Variants in CCL23 observed in about 807,000 individuals in gnomAD.
The protein encoded by CCL23 is C-C motif chemokine ligand 23, also known as C-C motif chemokine 23.
In CCL23, 10 loss-of-function variants were observed where a neutral mutation model predicts 11.8. The ratio of observed to expected loss-of-function variants is 0.84; its 90% CI spans 0.52 to 1.43. The LOEUF (loss-of-function observed/expected upper bound fraction) is 1.43, where lower values mean the gene tolerates loss of function less well. CCL23 is among the 40% of genes most tolerant of loss of function. The pLI is 0.00. For synonymous variants in CCL23, 60 were observed against 61.0 expected (o/e 0.98, Z 0.07); for missense variants, 181 against 170.9 (o/e 1.06, Z -0.33).
chr17:36,014,453 C>G, intron 1 of CCL23, 60 bp from the exon 2 acceptor site: 1 of 1,310,356 alleles, frequency 7.6e-7, no homozygotes, highest in Non-Finnish European at 1.1e-6. Context: ...GTTTCAGCAT[C>G]TCCACCCACC....
chr17:36,013,180 C>T lies in CCL23; in HGVS notation c.*17G>A, dbSNP rs1225069283. The stretch of plus-strand genomic sequence containing the variant: ...AAGTTGGTGGCTGGCAACTTGTGTC[C>T]CTTCACCTTGACAAGTTCAATTCTT... On this transcript the variant is annotated 3_prime_UTR_variant, in exon 4 of 4. Transcript: ENST00000615050. 1.3e-6 allele frequency: 2 copies of T among 1,505,476 alleles called. No homozygotes were observed. The highest frequency in any genetic ancestry group is 2.7e-5 in the African/African-American group (2 of 73,678). 93.3% of individuals were successfully genotyped at this position (1,505,476 alleles called of 1,614,324 possible).
At chr17:36,016,427 G>C (rs1412238897) in intron 1 of CCL23, among the ~76,000 whole-genome samples, 1 of 152,098 alleles carries the variant, frequency 6.6e-6, no homozygotes, top group East Asian at 1.9e-4. Flanking sequence ...TGTGGTGTTT[G>C]GCTTTCTGTT....
intron 3 of CCL23, 107 bp from the exon 4 acceptor site, chr17:36,013,415 T>A (rs554015279): frequency 6.0e-6 from 4 of 667,258 alleles, no homozygotes; most frequent in Non-Finnish European, 7.8e-6. Context: ...ATATAGCCAG[T>A]TTTTTTTTCT....
chr17:36,013,676 A>AG, intron 3 of CCL23, 68 bp downstream of exon 3: 2 of 1,501,186 alleles, frequency 1.3e-6, no homozygotes, highest in East Asian at 4.5e-5. Context: ...CCAGTCTATC[A>AG]GGTCCTCCCT....
intron 3 of CCL23, 176 bp from the exon 4 acceptor site, chr17:36,013,484 C>T (rs1313706893): frequency 1.6e-6 from 1 of 612,212 alleles, no homozygotes; most frequent in East Asian, 2.7e-5. Context: ...GAGACCCCCT[C>T]AGCCTGTGGG....
chr17:36,013,549 TTCC>T, intron 3 of CCL23, 192 bp downstream of exon 3: 1 of 632,040 alleles, frequency 1.6e-6, no homozygotes, highest in Non-Finnish European at 2.8e-6. Flanking sequence ...TGCTTTCTTC[TTCC>T]TTCCCCACCC....
In CCL23 at chr17:36,013,070, G is replaced by GT; in HGVS notation, c.*126dup. On this transcript the variant is annotated 3_prime_UTR_variant, in exon 4 of 4. Transcript: ENST00000615050. ...TATCACACAAAAAAAGTGAGAAACT[G>GT]TTTATTAGATGAATTGCTCTAAATC... The GT allele has an allele frequency of 1.5e-6, 1 of 651,986 alleles. No homozygotes were observed. The allele number at this position is 651,986 out of a possible 1,614,324, so 40.4% of individuals were successfully genotyped here. A position where few individuals can be genotyped will look rare whatever the true frequency, so the allele number is the denominator to read the frequency against.
chr17:36,017,868 G>T lies in CCL23; in HGVS notation c.30C>A (p.Cys10Ter), dbSNP rs766146131. 2.5e-6 allele frequency: 4 copies of T among 1,613,920 alleles called. No individual in the cohort carries two copies. The highest frequency in any genetic ancestry group is 4.5e-5 in the East Asian group (2 of 44,884). ...ATCCAAGGGCAGTAACAAGCATGAG[G>T]CAGGAGAGGGCAGCCACGGAGACCT... MKVSVAALS[C>*]LMLVTALGSQ... The change falls in exon 1 of 4, where the codon TGC (cysteine) becomes TGA (stop). Residue 10 changes from cysteine (C) to a stop codon, truncating the protein, a stop_gained. Transcript: ENST00000615050. LOFTEE classifies it high-confidence loss of function.
At chr17:36,013,569 C>G in intron 3 of CCL23, 175 bp downstream of exon 3, 1 of 652,574 alleles carries the variant, frequency 1.5e-6, no homozygotes. Context: ...ACCCTTTTCC[C>G]CCTGGGAGTG....
rs111879665 is a variant in CCL23, at chr17:36,017,924, C to A, written c.-27G>T. Reference sequence around the variant, plus strand: ...CTCCTGGTGGGCAGGCAGGGCTGGCCGAGGACTCCTGGGCTCACTGCTTCC... The same window carrying A: ...CTCCTGGTGGGCAGGCAGGGCTGGCAGAGGACTCCTGGGCTCACTGCTTCC... On this transcript the variant is annotated 5_prime_UTR_variant, in exon 1 of 4. Coordinates refer to ENST00000615050, the MANE Select transcript of CCL23 (RefSeq NM_005064.6). 6.2e-7 allele frequency: 1 copy of A among 1,611,756 alleles called. No individual in the cohort carries two copies. Among genetic ancestry groups the A allele is most frequent in the African/African-American group, 1.3e-5 (1 of 74,962 alleles).
At chr17:36,014,123 A>G (rs1044294268) in intron 2 of CCL23, among the ~76,000 whole-genome samples, 1 of 152,088 alleles carries the variant, frequency 6.6e-6, no homozygotes, top group Non-Finnish European at 1.5e-5. Flanking sequence ...TTCTGCCCCA[A>G]AGGAGCAGAC....
In CCL23 at chr17:36,013,197, T is replaced by TC; in HGVS notation, c.413dup (p.Ter138TrpfsTer6). On this transcript the variant is annotated frameshift_variant and stop_lost, in exon 4 of 4. Transcript: ENST00000615050. LOFTEE classifies it high-confidence loss of function. ...CTTGTGTCCCTTCACCTTGACAAGT[T>TC]CAATTCTTCCTGGTCTTGATCCGTG... The TC allele has an allele frequency of 2.5e-6, 4 of 1,599,578 alleles. No homozygotes were observed. The highest frequency in any genetic ancestry group is 3.4e-6 in the Non-Finnish European group (4 of 1,166,576).
Position 36,013,737 on chromosome 17 carries a change from C to G in CCL23, c.302+7G>C. The G allele has an allele frequency of 1.2e-6, 2 of 1,613,918 alleles. No individual in the cohort carries two copies. The highest frequency in any genetic ancestry group is 1.7e-6 in the Non-Finnish European group (2 of 1,179,900). ...CTCAACACATGTTTGGTGAGCTTGGCACCTACATGACACCCGGCTTGGAGC... is the reference window on the plus strand; with the variant it reads ...CTCAACACATGTTTGGTGAGCTTGGGACCTACATGACACCCGGCTTGGAGC... On this transcript the variant is annotated splice_region_variant and intron_variant, in intron 3 of 3. Transcript: ENST00000615050.
intron 2 of CCL23, among the ~76,000 whole-genome samples, 175 bp downstream of exon 2, chr17:36,014,159 A>T (rs1344896732): frequency 6.6e-6 from 1 of 152,196 alleles, no homozygotes; most frequent in East Asian, 1.9e-4. Context: ...AGGGGAACAG[A>T]GAAGGCATCT....
chr17:36,013,288 C>A lies in CCL23; in HGVS notation c.323G>T (p.Arg108Leu), dbSNP rs746038053. The A allele has an allele frequency of 2.5e-6, 4 of 1,613,274 alleles. No homozygotes were observed. The highest frequency in any genetic ancestry group is 2.5e-6 in the Non-Finnish European group (3 of 1,179,438). Residue 108 changes from arginine (R) to leucine (L), a missense_variant, in exon 4 of 4, where the codon CGA becomes CTA. Physicochemically the swap from Arg to Leu is moderately radical, Grantham distance 102. Transcript: ENST00000615050. The stretch of plus-strand genomic sequence containing the variant: ...ATCACTGGGGTTGGCACAGAAACGT[C>A]GCCCCTTCTTGGTGAGGAAGCTAGG... ...PGVIFLTKKG[R>L]RFCANPSDKQ...
chr17:36,013,225 T>A lies in CCL23; in HGVS notation c.386A>T (p.Asp129Val). Residue 129 changes from aspartate to valine, a missense_variant, in exon 4 of 4, where the codon GAC becomes GTC. Asp to Val is a radical substitution (Grantham distance 152). Coordinates refer to ENST00000615050, the MANE Select transcript of CCL23 (RefSeq NM_005064.6). ...VQVCMRMLKLDTRIKTRKN is the reference protein window; with the variant it reads ...VQVCMRMLKLVTRIKTRKN ...ATTCTTCCTGGTCTTGATCCGTGTG[T>A]CCAGCTTCAGCATTCTCATGCAAAC... 6.2e-7 allele frequency: 1 copy of A among 1,613,024 alleles called. No individual in the cohort carries two copies. The highest frequency in any genetic ancestry group is 8.5e-7 in the Non-Finnish European group (1 of 1,179,006).
chr17:36,014,828 T>C (rs1331130792), intron 1 of CCL23, among the ~76,000 whole-genome samples: 1 of 152,174 alleles, frequency 6.6e-6, no homozygotes, highest in African/African-American at 2.4e-5. Flanking sequence ...TCCCAGTTAG[T>C]AGAAATATTC....
At chr17:36,013,480 C>T (rs969477997) in intron 3 of CCL23, among the ~76,000 whole-genome samples, 172 bp from the exon 4 acceptor site, 2 of 152,036 alleles carry the variant, frequency 1.3e-5, no homozygotes, top group Non-Finnish European at 1.5e-5. Context: ...TCTTGAGACC[C>T]CCTCAGCCTG....
chr17:36,013,934 G>C, intron 2 of CCL23, 25 bp from the exon 3 acceptor site: 2 of 1,610,200 alleles, frequency 1.2e-6, no homozygotes, highest in Non-Finnish European at 1.7e-6. Flanking sequence ...AAGGCACATG[G>C]CTCAGAAGAG....
Sources: gnomAD v4.1 joint callset for allele counts (sites outside exome capture counted in the v4.1 genomes callset) on GRCh38, gnomAD v4.1.1 for gene constraint, MANE v1.5 for transcripts, NCBI Gene and HGNC (gene_info 2026-07-23, HGNC 2026-07-21) for gene names.